The following FAM83H variants were observed in gnomAD, a reference collection of about 807,000 sequenced individuals.
FAM83H encodes the protein scaffolding CK1 anchoring protein H.
A neutral mutation model predicts 30.2 loss-of-function variants in FAM83H; 24 were observed. That is an observed-to-expected ratio of 0.79 (90% CI 0.57 to 1.12). FAM83H has a LOEUF of 1.12. FAM83H is among the 50% of genes most tolerant of loss of function. The pLI, the probability that FAM83H is intolerant of heterozygous loss-of-function variation, is 0.00. For synonymous variants in FAM83H, 1,013 were observed against 821.7 expected (o/e 1.23, Z -3.98); for missense variants, 2,038 against 1,773.9 (o/e 1.15, Z -2.67).
intron 2 of FAM83H, among the ~76,000 whole-genome samples, 185 bp downstream of exon 2, chr8:143,729,951 C>T (rs1203406122): frequency 2.0e-5 from 3 of 152,160 alleles, no homozygotes; most frequent in Admixed American, 6.5e-5. Flanking sequence ...GGCAAGCAGA[C>T]CTGTGCAGAG....
rs1358265719 is a variant in FAM83H at position 143,733,615 on chromosome 8, C to T, written c.-16+76G>A. On this transcript the variant is annotated intron_variant, in intron 1 of 4. Transcript: ENST00000388913. This position sits in a 1 kb window ranked among gnomAD's most constrained non-coding sequence, Gnocchi z 5.6. ...CCCAGGTGTGGGCGCAAGGGTAGCC[C>T]AAGTGGGACCGCGCCAAGGGGCGCC... 2 of 151,164 alleles carry T rather than the reference C, an allele frequency of 1.3e-5. No individual in the cohort carries two copies. Among genetic ancestry groups the T allele is most frequent in the Non-Finnish European group, 3.0e-5 (2 of 67,648 alleles). 9.4% of individuals were successfully genotyped at this position (151,164 alleles called of 1,614,324 possible). A position where few individuals can be genotyped will look rare whatever the true frequency, so the allele number is the denominator to read the frequency against.
chr8:143,730,938 T>G (rs2129695426), intron 1 of FAM83H, among the ~76,000 whole-genome samples: 1 of 152,046 alleles, frequency 6.6e-6, no homozygotes, highest in South Asian at 2.1e-4. Context: ...TACAAAAAAT[T>G]TTAAACATTA....
Position 143,728,335 on chromosome 8 carries a change from G to C in FAM83H, c.1126C>G (p.Leu376Val), listed in dbSNP as rs1554623307. The change falls in exon 5 of 5, where the codon CTC becomes GTC. Residue 376 changes from leucine (L) to valine (V), a missense_variant. Leu to Val is a conservative substitution (Grantham distance 32, BLOSUM62 1). Coordinates refer to ENST00000388913, the MANE Select transcript of FAM83H (RefSeq NM_198488.5). ...ALEPHAGLRP[L>V]SRRLEAEAGP... ...GCCTCGGCCTCCAGGCGCCGCGAGA[G>C]CGGCCGCAGCCCCGCGTGCGGTTCC... The C allele has an allele frequency of 9.6e-6, 14 of 1,455,390 alleles. No individual in the cohort carries two copies. Among genetic ancestry groups the C allele is most frequent in the Non-Finnish European group, 1.2e-5 (13 of 1,109,544 alleles). 90.2% of individuals were successfully genotyped at this position (1,455,390 alleles called of 1,614,324 possible).
In FAM83H at chr8:143,724,741, C is replaced by T. The variant is rs1021343916; in HGVS notation, c.*1180G>A. ...CAAGGATAAGCACTCCACAACCAGC[C>T]CTTCTAGCGCCTGGCTTGGGCCGGG... On this transcript the variant is annotated 3_prime_UTR_variant, in exon 5 of 5. Coordinates refer to ENST00000388913, the MANE Select transcript of FAM83H (RefSeq NM_198488.5). 2.6e-5 allele frequency: 4 copies of T among 152,426 alleles called. No individual in the cohort carries two copies. Among genetic ancestry groups the T allele is most frequent in the Non-Finnish European group, 2.9e-5 (2 of 68,212 alleles). The allele number at this position is 152,426 out of a possible 1,614,324, so 9.4% of individuals were successfully genotyped here.
rs1225806209 is a variant in FAM83H, at chr8:143,728,303, C to A, written c.1158G>T (p.Pro386=). The change falls in exon 5 of 5, where the codon CCG becomes CCT. Residue 386 remains proline (P), a synonymous_variant. Transcript: ENST00000388913. ...CCCGCGCGCCCGCGAGCTCCCCAGC[C>A]GGCCCGGCCTCGGCCTCCAGGCGCC... ...LSRRLEAEAG[P]AGELAGARGF... The A allele has an allele frequency of 3.4e-6, 5 of 1,466,174 alleles. No homozygotes were observed. The highest frequency in any genetic ancestry group is 2.7e-5 in the South Asian group (2 of 73,844). 90.8% of individuals were successfully genotyped at this position (1,466,174 alleles called of 1,614,324 possible). A position where few individuals can be genotyped will look rare whatever the true frequency, so the allele number is the denominator to read the frequency against.
Position 143,725,191 on chromosome 8 carries a change from T to TGGGGGCGGG in FAM83H, c.*729_*730insCCCGCCCCC, listed in dbSNP as rs1818243269. On this transcript the variant is annotated 3_prime_UTR_variant, in exon 5 of 5. Coordinates refer to ENST00000388913, the MANE Select transcript of FAM83H (RefSeq NM_198488.5). ...GGGGGGGGAGGGAAGGAGGAGACCT[T>TGGGGGCGGG]GAGAGAGGGAGGGAGCGGGGAGGGG... The TGGGGGCGGG allele has an allele frequency of 1.3e-5, 1 of 78,468 alleles. No homozygotes were observed. The allele number at this position is 78,468 out of a possible 1,614,324, so 4.9% of individuals were successfully genotyped here.
Position 143,727,633 on chromosome 8 carries a change from C to A in FAM83H, c.1828G>T (p.Glu610Ter), listed in dbSNP as rs1554622736. 1.3e-6 allele frequency: 2 copies of A among 1,582,236 alleles called. No homozygotes were observed. Among genetic ancestry groups the A allele is most frequent in the South Asian group, 1.1e-5 (1 of 88,562 alleles). ...CCCCCGGGAGCCAGCACGTCGTCTT[C>A]GTAAGCCTCCGCTTCCATGGGCGCC... ...LPAPMEAEAY[E>*]DDVLAPGGRA... Residue 610 changes from glutamate to a stop codon, truncating the protein, a stop_gained, in exon 5 of 5, where the codon GAA becomes TAA. Transcript: ENST00000388913. LOFTEE classifies it low-confidence loss of function (END_TRUNC).
Position 143,730,222 on chromosome 8 carries a change from C to T in FAM83H, c.361G>A (p.Glu121Lys), listed in dbSNP as rs782515397. Residue 121 changes from glutamate to lysine, a missense_variant, in exon 2 of 5, where the codon GAG becomes AAG. Coordinates refer to ENST00000388913, the MANE Select transcript of FAM83H (RefSeq NM_198488.5). ...WPLTFGFQGT[E>K]VTTLVQPPPP... ...GGTGGCTGCACCAAGGTGGTCACCT[C>T]GGTGCCCTGGAAGCCGAAGGTCAGA... 18 of 1,613,184 alleles carry T rather than the reference C, an allele frequency of 1.1e-5. No individual in the cohort carries two copies. The highest frequency in any genetic ancestry group is 2.2e-5 in the South Asian group (2 of 91,058).
Position 143,726,145 on chromosome 8 carries a change from T to C in FAM83H, c.3316A>G (p.Ser1106Gly). The C allele has an allele frequency of 1.2e-6, 2 of 1,611,610 alleles. No homozygotes were observed. The highest frequency in any genetic ancestry group is 2.2e-5 in the South Asian group (2 of 90,916). ...SDSLGTQGRLSRTLPASAEER... is the reference protein window; with the variant it reads ...SDSLGTQGRLGRTLPASAEER... ...TCCGCGCTGGCTGGCAGCGTGCGGC[T>C]CAGCCGGCCCTGGGTCCCCAAGCTG... is the stretch of plus-strand genomic sequence containing the variant. Residue 1106 changes from serine to glycine, a missense_variant, in exon 5 of 5, where the codon AGC (serine) becomes GGC (glycine). Physicochemically the swap from Ser to Gly is moderately conservative, Grantham distance 56 (BLOSUM62 0). Coordinates refer to ENST00000388913, the MANE Select transcript of FAM83H (RefSeq NM_198488.5).
chr8:143,728,303 C>T lies in FAM83H; in HGVS notation c.1158G>A (p.Pro386=), dbSNP rs1225806209. 3.4e-6 allele frequency: 5 copies of T among 1,466,282 alleles called. No homozygotes were observed. The highest frequency in any genetic ancestry group is 2.4e-4 in the Middle Eastern group (1 of 4,192). 90.8% of individuals were successfully genotyped at this position (1,466,282 alleles called of 1,614,324 possible). Residue 386 remains proline, a synonymous_variant, in exon 5 of 5, where the codon CCG becomes CCA. Coordinates refer to ENST00000388913, the MANE Select transcript of FAM83H (RefSeq NM_198488.5). ...LSRRLEAEAG[P]AGELAGARGF... ...CCCGCGCGCCCGCGAGCTCCCCAGCCGGCCCGGCCTCGGCCTCCAGGCGCC... is the reference window on the plus strand; with the variant it reads ...CCCGCGCGCCCGCGAGCTCCCCAGCTGGCCCGGCCTCGGCCTCCAGGCGCC...
At chr8:143,732,510 C>T (rs1361754471) in intron 1 of FAM83H, 1 of 985,220 alleles carries the variant, frequency 1.0e-6, no homozygotes, top group East Asian at 1.1e-4. Context: ...GGGGGACACT[C>T]TAGAAAGGAC....
Position 143,727,245 on chromosome 8 carries a change from T to C in FAM83H, c.2216A>G (p.Glu739Gly), listed in dbSNP as rs1818334518. The C allele has an allele frequency of 6.5e-7, 1 of 1,534,778 alleles. No individual in the cohort carries two copies. The highest frequency in any genetic ancestry group is 8.7e-7 in the Non-Finnish European group (1 of 1,146,112). The change falls in exon 5 of 5, where the codon GAG becomes GGG. Residue 739 changes from glutamate to glycine, a missense_variant. Coordinates refer to ENST00000388913, the MANE Select transcript of FAM83H (RefSeq NM_198488.5). ...AASTKVAELL[E>G]KYKGPARDPG... is the part of the protein sequence containing the mutation. The stretch of plus-strand genomic sequence containing the variant: ...ATCACGGGCTGGGCCCTTGTACTTC[T>C]CCAGCAGCTCCGCCACCTTGGTGGA...
rs1554624191 is a variant in FAM83H at position 143,730,489 on chromosome 8, C to A, written c.94G>T (p.Val32Leu). 6.2e-7 allele frequency: 1 copy of A among 1,607,356 alleles called. No individual in the cohort carries two copies. Among genetic ancestry groups the A allele is most frequent in the Admixed American group, 1.7e-5 (1 of 59,818 alleles). The change falls in exon 2 of 5, where the codon GTG (valine) becomes TTG (leucine). Residue 32 changes from valine (V) to leucine (L), a missense_variant. Coordinates refer to ENST00000388913, the MANE Select transcript of FAM83H (RefSeq NM_198488.5). ...PHYKEYYRLA[V>L]DALAEGGSEA... ...GAGCCACCCTCGGCCAGTGCATCCA[C>A]CGCCAGGCGGTAGTACTCTTTGTAG...
chr8:143,726,770 A>G lies in FAM83H; in HGVS notation c.2691T>C (p.Phe897=), dbSNP rs782044744. The G allele has an allele frequency of 6.2e-7, 1 of 1,611,818 alleles. No homozygotes were observed. Among genetic ancestry groups the G allele is most frequent in the South Asian group, 1.1e-5 (1 of 91,048 alleles). ...AGGTGGGGCTCCCCTTCTGCTCGAT[A>G]AATCCTGTAGTTGGACTTCCTCTTC... ...STRRGSPTTG[F]IEQKGSPTSA... is the part of the protein sequence containing the mutation. Residue 897 remains phenylalanine, a synonymous_variant, in exon 5 of 5, where the codon TTT becomes TTC. Transcript: ENST00000388913.
At position 143,727,117 on chromosome 8, in the gene FAM83H, C is replaced by A. The variant is rs1818328003; in HGVS notation, c.2344G>T (p.Glu782Ter). The change falls in exon 5 of 5, where the codon GAG becomes TAG. Residue 782 changes from glutamate (E) to a stop codon, truncating the protein, a stop_gained. Transcript: ENST00000388913. LOFTEE classifies it low-confidence loss of function (END_TRUNC). Reference sequence around the variant, plus strand: ...AGGCAGCTCTCGAGGCTGCGGCGCTCGCCCCCCACGGCACCTGGGGCCGCC... The same window carrying A: ...AGGCAGCTCTCGAGGCTGCGGCGCTAGCCCCCCACGGCACCTGGGGCCGCC... Reference protein sequence around the residue: ...EVAAPGAVGGERRSLESCLLD... With the variant: ...EVAAPGAVGG The A allele has an allele frequency of 2.6e-6, 4 of 1,535,004 alleles. No individual in the cohort carries two copies. The highest frequency in any genetic ancestry group is 2.7e-5 in the African/African-American group (2 of 73,120).
chr8:143,727,150 C>G lies in FAM83H; in HGVS notation c.2311G>C (p.Glu771Gln). The change falls in exon 5 of 5, where the codon GAA (glutamate) becomes CAA (glutamine). Residue 771 changes from glutamate (E) to glutamine (Q), a missense_variant. Glu to Gln is a conservative substitution (Grantham distance 29, BLOSUM62 2). Transcript: ENST00000388913. ...SKAVVSQAWR[E>Q]EVAAPGAVGG... is the part of the protein sequence containing the mutation. ...ACGGCACCTGGGGCCGCCACCTCTT[C>G]CCGCCACGCCTGGGACACGACGGCC... The G allele has an allele frequency of 6.5e-7, 1 of 1,534,518 alleles. No individual in the cohort carries two copies. The highest frequency in any genetic ancestry group is 8.7e-7 in the Non-Finnish European group (1 of 1,146,228).
Position 143,730,520 on chromosome 8 carries a change from C to T in FAM83H, c.63G>A (p.Pro21=), listed in dbSNP as rs782779929. 19 of 1,583,458 alleles carry T rather than the reference C, an allele frequency of 1.2e-5. No individual in the cohort carries two copies. The highest frequency in any genetic ancestry group is 5.7e-5 in the South Asian group (5 of 87,990). The change falls in exon 2 of 5, where the codon CCG becomes CCA. Residue 21 remains proline (P), a synonymous_variant. Transcript: ENST00000388913. ...GGCGGTAGTACTCTTTGTAGTGAGG[C>T]GGCAGGTACCCGGGTGCCAGTGGGT... ...GDNPLAPGYL[P]PHYKEYYRLA... is the part of the protein sequence containing the mutation.
Position 143,726,284 on chromosome 8 carries a change from G to C in FAM83H, c.3177C>G (p.Ala1059=). 6.2e-7 allele frequency: 1 copy of C among 1,612,206 alleles called. No individual in the cohort carries two copies. The highest frequency in any genetic ancestry group is 8.5e-7 in the Non-Finnish European group (1 of 1,179,728). The change falls in exon 5 of 5, where the codon GCC becomes GCG. Residue 1059 remains alanine (A), a synonymous_variant. Coordinates refer to ENST00000388913, the MANE Select transcript of FAM83H (RefSeq NM_198488.5). ...TGTTGTGGGTCGGGCCGGGGCTCGG[G>C]GCAGGGACCGCACGGTGCTTCTGGC... ...AHGQKHRAVP[A]PSPGPTHNSP...
In FAM83H at chr8:143,724,879, T is replaced by C. The variant is rs1162259141; in HGVS notation, c.*1042A>G. 8 of 152,236 alleles carry C rather than the reference T, an allele frequency of 5.3e-5. No homozygotes were observed. The highest frequency in any genetic ancestry group is 1.7e-4 in the African/African-American group (7 of 41,314). 9.4% of individuals were successfully genotyped at this position (152,236 alleles called of 1,614,324 possible). A position where few individuals can be genotyped will look rare whatever the true frequency, so the allele number is the denominator to read the frequency against. On this transcript the variant is annotated 3_prime_UTR_variant, in exon 5 of 5. Transcript: ENST00000388913. ...CTCTCACCCAGTGCTGGCCAGAGCC[T>C]CGCTGGAGGAGATGGCAGACCTGGC... is the stretch of plus-strand genomic sequence containing the variant.
Sources: allele counts gnomAD v4.1 joint callset (sites outside exome capture counted in the v4.1 genomes callset), GRCh38; gene constraint gnomAD v4.1.1; non-coding constraint Gnocchi (gnomAD v3.1); transcripts MANE v1.5; gene names NCBI Gene and HGNC (gene_info 2026-07-23, HGNC 2026-07-21).